CCT6B: variants seen among roughly 807,000 people sequenced by gnomAD.
The protein encoded by CCT6B is chaperonin containing TCP1 subunit 6B, also known as probable T-complex protein 1 subunit zeta-2.
Under a neutral mutation model 61.5 loss-of-function variants are expected in CCT6B, and 49 were observed. The ratio of observed to expected loss-of-function variants is 0.80; its 90% CI spans 0.63 to 1.01. The LOEUF is 1.01. Ranked by LOEUF, CCT6B falls within the 50% of genes least tolerant of loss-of-function variation. The probability of loss-of-function intolerance (pLI) is 0.00; values close to 1 mark genes in which losing one functional copy is unlikely to be tolerated. For missense variants in CCT6B, 666 were observed against 634.7 expected, an observed-to-expected ratio of 1.05 and a Z score of -0.53; for synonymous variants, 228 against 214.5, an observed-to-expected ratio of 1.06 and a Z score of -0.55.
intron 3 of CCT6B, among the ~76,000 whole-genome samples, chr17:34,957,398 C>T (rs979976986): frequency 6.6e-6 from 1 of 152,090 alleles, no homozygotes; most frequent in Non-Finnish European, 1.5e-5. Flanking sequence ...CCTGCCTCGG[C>T]CTCCCAAAGT....
intron 4 of CCT6B, among the ~76,000 whole-genome samples, chr17:34,952,533 C>T (rs182717262): frequency 3.3e-5 from 5 of 152,232 alleles, no homozygotes; most frequent in African/African-American, 9.6e-5. Flanking sequence ...CATGTTTTAT[C>T]GTGAAAAGTT....
At chr17:34,953,971 A>C (rs1479641829) in intron 4 of CCT6B, among the ~76,000 whole-genome samples, 1 of 152,168 alleles carries the variant, frequency 6.6e-6, no homozygotes, top group Non-Finnish European at 1.5e-5. Flanking sequence ...TTAATAAAAG[A>C]AATAAACTAA....
In CCT6B at chr17:34,927,896, TTGA is replaced by T; in HGVS notation, c.*149_*151del. The T allele has an allele frequency of 1.9e-6, 1 of 519,186 alleles. No homozygotes were observed. Among genetic ancestry groups the T allele is most frequent in the Middle Eastern group, 4.4e-4 (1 of 2,288 alleles). The allele number at this position is 519,186 out of a possible 1,614,324, so 32.2% of individuals were successfully genotyped here. ...AAGTATTTATTGTGTTCTTTATACC[TTGA>T]TGAAATATTTTTGAGACTATTAAGA... On this transcript the variant is annotated 3_prime_UTR_variant, in exon 14 of 14. Transcript: ENST00000314144.
chr17:34,932,266 A>G, intron 11 of CCT6B, 101 bp downstream of exon 11: 2 of 1,068,830 alleles, frequency 1.9e-6, no homozygotes, highest in Non-Finnish European at 2.6e-6. Context: ...AATGCACATA[A>G]ATACCTGTCT....
chr17:34,942,760 A>G (rs1424953525), intron 6 of CCT6B, 36 bp downstream of exon 6: 2 of 1,526,750 alleles, frequency 1.3e-6, no homozygotes, highest in Middle Eastern at 1.7e-4. Flanking sequence ...TTTAGAAAAA[A>G]AAATTCAAAA....
intron 3 of CCT6B, among the ~76,000 whole-genome samples, chr17:34,957,072 G>A (rs996744527): frequency 1.3e-5 from 2 of 151,494 alleles, no homozygotes; most frequent in African/African-American, 4.9e-5. Flanking sequence ...GCCTCCCAAA[G>A]TGCTGGGATT....
intron 10 of CCT6B, among the ~76,000 whole-genome samples, chr17:34,933,490 G>A (rs902051718): frequency 2.6e-5 from 4 of 151,886 alleles, no homozygotes; most frequent in Non-Finnish European, 5.9e-5. Context: ...CAACATAACC[G>A]CTCAAAGAGT....
chr17:34,952,055 T>A lies in CCT6B; in HGVS notation c.511-2A>T. On this transcript the variant is annotated splice_acceptor_variant, in intron 4 of 13. Transcript: ENST00000314144. LOFTEE classifies it high-confidence loss of function. The stretch of plus-strand genomic sequence containing the variant: ...AGCCAAAACAGAATCCACCACAACC[T>A]GAAAGAGAAATGAATGAGAACAGTT... 6.4e-7 allele frequency: 1 copy of A among 1,572,358 alleles called. No homozygotes were observed. Among genetic ancestry groups the A allele is most frequent in the South Asian group, 1.1e-5 (1 of 89,520 alleles).
At chr17:34,929,244 A>G (rs1262474699) in intron 12 of CCT6B, among the ~76,000 whole-genome samples, 1 of 152,088 alleles carries the variant, frequency 6.6e-6, no homozygotes, top group African/African-American at 2.4e-5. Context: ...ACTCTATGTT[A>G]TCTTCCAGGA....
intron 10 of CCT6B, among the ~76,000 whole-genome samples, chr17:34,933,327 C>A (rs1384139): frequency 6.6e-6 from 1 of 152,250 alleles, no homozygotes; most frequent in African/African-American, 2.4e-5. Context: ...ATCAGGATAT[C>A]ACTTTTATAT....
In CCT6B at chr17:34,942,823, C is replaced by A; in HGVS notation, c.698G>T (p.Cys233Phe). Reference protein sequence around the residue: ...KRVEDAFILICNVSLEYEKTE... With the variant: ...KRVEDAFILIFNVSLEYEKTE... ...TTTTTCATATTCCAGTGAAACGTTG[C>A]AAATAAGGATAAATGCATCTTCTAC... The change falls in exon 6 of 14, where the codon TGC becomes TTC. Residue 233 changes from cysteine (C) to phenylalanine (F), a missense_variant. Transcript: ENST00000314144. The A allele has an allele frequency of 6.2e-7, 1 of 1,608,590 alleles. No homozygotes were observed. The highest frequency in any genetic ancestry group is 8.5e-7 in the Non-Finnish European group (1 of 1,177,212).
chr17:34,936,807 A>C (rs1365372114), intron 10 of CCT6B, among the ~76,000 whole-genome samples: 1 of 152,174 alleles, frequency 6.6e-6, no homozygotes, highest in Non-Finnish European at 1.5e-5. Context: ...ATGAGTTAGA[A>C]GGCTCATTAT....
rs1455333350 is a variant in CCT6B at position 34,961,229 on chromosome 17, G to T, written c.137+28C>A. ...AGGACACCAACGGGCCCCTAGCCGC[G>T]TAATGGCCGCTCCAACCGCTGTCTC... On this transcript the variant is annotated intron_variant, in intron 1 of 13. Coordinates refer to ENST00000314144, the MANE Select transcript of CCT6B (RefSeq NM_006584.4). The T allele has an allele frequency of 1.9e-6, 3 of 1,582,024 alleles. No individual in the cohort carries two copies. In the Admixed American group the frequency reaches 5.3e-5, roughly 28 times the overall value.
intron 5 of CCT6B, among the ~76,000 whole-genome samples, chr17:34,947,317 C>T (rs554304305): frequency 2.6e-4 from 39 of 152,106 alleles, no homozygotes; most frequent in African/African-American, 8.9e-4. Flanking sequence ...AAAATGCCAA[C>T]CAGAATAAAC....
intron 1 of CCT6B, among the ~76,000 whole-genome samples, chr17:34,960,267 A>G (rs957900372): frequency 2.0e-5 from 3 of 152,234 alleles, no homozygotes; most frequent in African/African-American, 4.8e-5. Context: ...CAAACACAGC[A>G]ATGACATACT....
intron 10 of CCT6B, among the ~76,000 whole-genome samples, chr17:34,937,167 G>T (rs76018073): frequency 6.6e-6 from 1 of 151,576 alleles, no homozygotes; most frequent in South Asian, 2.1e-4. Flanking sequence ...AAAAAAAAAA[G>T]TTCTGATCAA....
chr17:34,944,902 G>A (rs370342971), intron 5 of CCT6B, among the ~76,000 whole-genome samples: 39 of 152,348 alleles, frequency 2.6e-4, no homozygotes, highest in African/African-American at 8.9e-4. Flanking sequence ...CTCCAGCCTG[G>A]GCGACAGAGC....
At chr17:34,935,878 T>C (rs2090087752) in intron 10 of CCT6B, among the ~76,000 whole-genome samples, 2 of 150,882 alleles carry the variant, frequency 1.3e-5, no homozygotes, top group Admixed American at 1.3e-4. Flanking sequence ...AAAAAAATCA[T>C]ATGATCATCT....
In CCT6B at chr17:34,954,492, G is replaced by C. The variant is rs758767317; in HGVS notation, c.444C>G (p.Leu148=). 6.2e-7 allele frequency: 1 copy of C among 1,613,644 alleles called. No homozygotes were observed. The change falls in exon 4 of 14, where the codon CTC becomes CTG. Residue 148 remains leucine, a synonymous_variant. Coordinates refer to ENST00000314144, the MANE Select transcript of CCT6B (RefSeq NM_006584.4). ...GTAATGATGTTCTAGCTACATCTAA[G>C]AGGATTTTTCTTTTCATCTCCTTTG... ...KVTKEMKRKI[L]LDVARTSLQT...
Sources: gnomAD v4.1 joint callset for allele counts (sites outside exome capture counted in the v4.1 genomes callset) on GRCh38, gnomAD v4.1.1 for gene constraint, MANE v1.5 for transcripts, NCBI Gene and HGNC (gene_info 2026-07-23, HGNC 2026-07-21) for gene names.